Variants in TAFA1 observed in about 807,000 individuals in gnomAD.
TAFA1 encodes the protein TAFA chemokine like family member 1, also known as chemokine-like protein TAFA-1.
TAFA1 carries 4 observed loss-of-function variants against 18.5 expected under a neutral mutation model. The ratio of observed to expected loss-of-function variants is 0.22; its 90% CI spans 0.11 to 0.49. TAFA1 has a LOEUF of 0.49. Among genes scored for constraint, TAFA1 ranks in the 20% least tolerant of loss-of-function variants. TAFA1 has a pLI of 0.98. For missense variants in TAFA1, 147 were observed against 169.0 expected (o/e 0.87, Z 0.72); for synonymous variants, 56 against 55.2 (o/e 1.01, Z -0.06).
At chr3:68,390,379 C>T (rs951856918) in intron 2 of TAFA1, among the ~76,000 whole-genome samples, 13 of 152,180 alleles carry the variant, frequency 8.5e-5, no homozygotes, top group Non-Finnish European at 1.5e-4. Flanking sequence ...ATAAAACTCC[C>T]ATCTCCCTGG....
chr3:68,079,830 G>C (rs550795721), intron 2 of TAFA1, among the ~76,000 whole-genome samples: 4 of 152,002 alleles, frequency 2.6e-5, no homozygotes, highest in Non-Finnish European at 4.4e-5. Flanking sequence ...CTATTAGGTC[G>C]GCTTGGTGCA....
intron 2 of TAFA1, among the ~76,000 whole-genome samples, chr3:68,391,402 A>G (rs1209726275): frequency 6.6e-6 from 1 of 152,226 alleles, no homozygotes; most frequent in Non-Finnish European, 1.5e-5. Context: ...CCTGAAAGTG[A>G]CAGGGAGAAT....
intron 2 of TAFA1, among the ~76,000 whole-genome samples, chr3:68,369,777 G>A (rs1024340467): frequency 6.6e-6 from 1 of 152,024 alleles, no homozygotes; most frequent in Non-Finnish European, 1.5e-5. Flanking sequence ...AAGATCTCCT[G>A]TTTCTAGAAT....
intron 3 of TAFA1, among the ~76,000 whole-genome samples, chr3:68,484,192 T>TTAAAA (rs1170501154): frequency 2.0e-5 from 3 of 152,240 alleles, no homozygotes; most frequent in African/African-American, 7.2e-5. Flanking sequence ...GTACTAAATC[T>TTAAAA]TAAAATTCAG....
At chr3:68,530,083 G>A (rs1352000031) in intron 3 of TAFA1, among the ~76,000 whole-genome samples, 1 of 152,144 alleles carries the variant, frequency 6.6e-6, no homozygotes, top group Admixed American at 6.5e-5. Context: ...CATCTTTGAG[G>A]ACAGGACTAT....
chr3:68,500,718 G>A (rs2072642145), intron 3 of TAFA1, among the ~76,000 whole-genome samples: 1 of 137,790 alleles, frequency 7.3e-6, no homozygotes, highest in Admixed American at 7.2e-5. Context: ...AAAAAAAAAA[G>A]TTTGCCTATT....
intron 2 of TAFA1, among the ~76,000 whole-genome samples, chr3:68,049,814 A>G (rs1002837479): frequency 6.6e-6 from 1 of 152,168 alleles, no homozygotes; most frequent in Middle Eastern, 3.4e-3. Flanking sequence ...CATTTTCTGC[A>G]TATTTTTTTT....
chr3:68,035,482 T>G (rs1705027029), intron 2 of TAFA1, among the ~76,000 whole-genome samples: 2 of 152,220 alleles, frequency 1.3e-5, no homozygotes, highest in South Asian at 4.1e-4. Context: ...AGATCTCACC[T>G]TCTATTTCCA....
At chr3:68,499,442 CTTTCTTT>C (rs1374952456) in intron 3 of TAFA1, among the ~76,000 whole-genome samples, 1 of 88,080 alleles carries the variant, frequency 1.1e-5, no homozygotes, top group African/African-American at 4.7e-5. Flanking sequence ...TTCTGTGTTC[CTTTCTTT>C]TTTTTTTTTT....
intron 2 of TAFA1, among the ~76,000 whole-genome samples, chr3:68,223,784 T>A (rs114957448): frequency 0.011 from 1,625 of 152,146 alleles, 29 homozygotes; most frequent in African/African-American, 0.037. Context: ...CAAAAGTAAT[T>A]TATGGCACAC....
chr3:68,279,051 G>T (rs1287083802), intron 2 of TAFA1, among the ~76,000 whole-genome samples: 1 of 152,060 alleles, frequency 6.6e-6, no homozygotes, highest in Non-Finnish European at 1.5e-5. Context: ...GACTAAATTT[G>T]AGTATCAGGT....
In TAFA1 at chr3:68,286,239, TA is replaced by T. The variant is rs201419098; in HGVS notation, c.119-131034del. On this transcript the variant is annotated intron_variant, in intron 2 of 4. Coordinates refer to ENST00000478136, the MANE Select transcript of TAFA1 (RefSeq NM_213609.4). ...ATAATAATAATAATCATAACAAATTTAAAAAAATTTTTTAAATTAAAAATAT... is the reference window on the plus strand; with the variant it reads ...ATAATAATAATAATCATAACAAATTTAAAAAATTTTTTAAATTAAAAATAT... 0.011 allele frequency among the ~76,000 whole-genome samples: 1,710 copies of T among 150,760 alleles called. 60 individuals are homozygous for T. In the East Asian group the frequency reaches 0.13, roughly 12 times the overall value.
At chr3:68,495,770 C>T (rs1174352709) in intron 3 of TAFA1, among the ~76,000 whole-genome samples, 1 of 152,038 alleles carries the variant, frequency 6.6e-6, no homozygotes, top group Admixed American at 6.6e-5. Context: ...GAGAAAGACA[C>T]ATGCTCTCCA....
intron 2 of TAFA1, among the ~76,000 whole-genome samples, chr3:68,010,565 A>G (rs1704452096): frequency 6.6e-6 from 1 of 152,176 alleles, no homozygotes; most frequent in South Asian, 2.1e-4. Context: ...GTTAACTAGA[A>G]AACTGACTCA....
intron 2 of TAFA1, among the ~76,000 whole-genome samples, chr3:68,337,878 A>T (rs2069001876): frequency 6.6e-6 from 1 of 152,164 alleles, no homozygotes; most frequent in East Asian, 1.9e-4. Flanking sequence ...TTCCAGCTGA[A>T]AAAAGAGCAG....
At chr3:68,480,236 C>CA (rs35040879) in intron 3 of TAFA1, among the ~76,000 whole-genome samples, 84,101 of 127,012 alleles carry the variant, frequency 0.66, 26,559 homozygotes, top group East Asian at 0.72. Context: ...ACTAAAAATA[C>CA]AAAAAAAAAA....
At chr3:68,080,320 G>A (rs2064880451) in intron 2 of TAFA1, among the ~76,000 whole-genome samples, 1 of 151,870 alleles carries the variant, frequency 6.6e-6, no homozygotes, top group African/African-American at 2.4e-5. Context: ...TACATTTCAA[G>A]TTAATATTGT....
chr3:68,098,975 T>A (rs1320143502), intron 2 of TAFA1, among the ~76,000 whole-genome samples: 1 of 152,022 alleles, frequency 6.6e-6, no homozygotes, highest in East Asian at 1.9e-4. Context: ...AAAACTGAAC[T>A]CCTACTTCTC....
intron 2 of TAFA1, among the ~76,000 whole-genome samples, chr3:68,072,963 A>G (rs1559726401): frequency 6.6e-6 from 1 of 152,224 alleles, no homozygotes; most frequent in Non-Finnish European, 1.5e-5. Flanking sequence ...GTTAGAATAC[A>G]AAGAACTCCA....
Sources: allele counts gnomAD v4.1 joint callset (sites outside exome capture counted in the v4.1 genomes callset), GRCh38; gene constraint gnomAD v4.1.1; transcripts MANE v1.5; gene names NCBI Gene and HGNC (gene_info 2026-07-23, HGNC 2026-07-21).